The following TSHR variants were observed in gnomAD, a reference collection of about 807,000 sequenced individuals.
TSHR encodes thyrotropin receptor.
A neutral mutation model predicts 64.1 loss-of-function variants in TSHR; 51 were observed. The ratio of observed to expected loss-of-function variants is 0.80; its 90% CI spans 0.64 to 1.01. The LOEUF (loss-of-function observed/expected upper bound fraction) is 1.01. TSHR is among the 50% of genes least tolerant of loss of function. The pLI, the probability that TSHR is intolerant of heterozygous loss-of-function variation, is 0.00. For missense variants in TSHR, 877 were observed against 942.8 expected (o/e 0.93, Z 0.91); for synonymous variants, 361 against 361.9 (o/e 1.00, Z 0.03).
At chr14:81,026,398 C>T (rs1210768040) in intron 1 of TSHR, among the ~76,000 whole-genome samples, 1 of 152,084 alleles carries the variant, frequency 6.6e-6, no homozygotes, top group Non-Finnish European at 1.5e-5. Context: ...TACCCTGTCA[C>T]CTCTAGAGAA....
chr14:81,087,876 C>T (rs759987735), intron 3 of TSHR, 78 bp from the exon 4 acceptor site: 5 of 1,177,194 alleles, frequency 4.2e-6, no homozygotes, highest in Non-Finnish European at 3.8e-6. Context: ...TTTGTTAAAA[C>T]TGATTTATGT....
intron 8 of TSHR, among the ~76,000 whole-genome samples, chr14:81,128,406 G>A (rs58884826): frequency 0.086 from 13,139 of 152,174 alleles, 717 homozygotes; most frequent in South Asian, 0.13. Context: ...TCCAAAACAC[G>A]ATCTCTTCCT....
intron 2 of TSHR, among the ~76,000 whole-genome samples, chr14:81,064,422 G>T (rs1886459492): frequency 6.6e-6 from 1 of 152,068 alleles, no homozygotes; most frequent in African/African-American, 2.4e-5. Context: ...TCAATTTGGG[G>T]CATATGGCAT....
At chr14:81,067,929 A>G (rs1156738875) in intron 2 of TSHR, among the ~76,000 whole-genome samples, 1 of 125,912 alleles carries the variant, frequency 7.9e-6, no homozygotes, top group Non-Finnish European at 1.6e-5. Flanking sequence ...GGGTGACACT[A>G]TATATATATA....
chr14:81,012,268 A>G (rs913280056), intron 1 of TSHR: 9 of 151,050 alleles, frequency 6.0e-5, no homozygotes, highest in Non-Finnish European at 1.2e-4. Flanking sequence ...AAGGACATGA[A>G]CTCATCATTT....
intron 3 of TSHR, among the ~76,000 whole-genome samples, chr14:81,075,916 C>T (rs1261742131): frequency 2.6e-5 from 4 of 151,936 alleles, no homozygotes; most frequent in African/African-American, 4.8e-5. Flanking sequence ...CAATGATAGA[C>T]TGGATTAAGA....
At chr14:80,961,784 T>G (rs1215288597) in intron 1 of TSHR, among the ~76,000 whole-genome samples, 1 of 152,226 alleles carries the variant, frequency 6.6e-6, no homozygotes, top group Non-Finnish European at 1.5e-5. Context: ...TTTGGAAATC[T>G]AATCGTAACA....
chr14:81,037,732 GACA>G (rs990805875), intron 1 of TSHR, among the ~76,000 whole-genome samples: 8 of 141,106 alleles, frequency 5.7e-5, no homozygotes, highest in African/African-American at 1.0e-4. Flanking sequence ...TGAAAGGGGA[GACA>G]AAGAAGGTAA....
Position 81,037,934 on chromosome 14 carries a change from CA to C in TSHR, c.171-24203del, listed in dbSNP as rs561276007. Among the ~76,000 whole-genome samples the C allele has an allele frequency of 9.2e-3, 1,310 of 142,486 alleles. 9 individuals are homozygous for C. Among genetic ancestry groups the C allele is most frequent in the Non-Finnish European group, 0.016 (1,037 of 65,102 alleles). The allele number at this position is 142,486 out of a possible 152,430, so 93.5% of individuals were successfully genotyped here. On this transcript the variant is annotated intron_variant, in intron 1 of 9. Transcript: ENST00000298171. The stretch of plus-strand genomic sequence containing the variant: ...ATAGATCATCCAAACTGAAAATCAG[CA>C]AAAAAAAAAACACTGGATTTATACT...
At chr14:81,004,029 T>C (rs1889473218) in intron 1 of TSHR, among the ~76,000 whole-genome samples, 1 of 152,230 alleles carries the variant, frequency 6.6e-6, no homozygotes, top group South Asian at 2.1e-4. Context: ...ATATTTTACA[T>C]TGTGCCCTGG....
intron 1 of TSHR, among the ~76,000 whole-genome samples, chr14:80,970,330 G>A (rs933856383): frequency 6.6e-6 from 1 of 152,208 alleles, no homozygotes; most frequent in Non-Finnish European, 1.5e-5. Context: ...CTTATTTTAT[G>A]TAGTAGAACT....
chr14:81,047,382 A>G (rs762683887), intron 1 of TSHR, among the ~76,000 whole-genome samples: 9 of 152,230 alleles, frequency 5.9e-5, no homozygotes, highest in Non-Finnish European at 1.3e-4. Flanking sequence ...ATGTCTGAGT[A>G]GAATATATAG....
chr14:80,969,676 C>A (rs1046042496), intron 1 of TSHR, among the ~76,000 whole-genome samples: 2 of 152,170 alleles, frequency 1.3e-5, no homozygotes, highest in African/African-American at 4.8e-5. Context: ...CCACTTCATT[C>A]ATGTTCATTT....
At chr14:80,986,536 G>A (rs1429205723) in intron 1 of TSHR, among the ~76,000 whole-genome samples, 1 of 152,046 alleles carries the variant, frequency 6.6e-6, no homozygotes, top group East Asian at 1.9e-4. Flanking sequence ...GCCTAGGCTG[G>A]AGTGTAATGG....
intron 8 of TSHR, among the ~76,000 whole-genome samples, chr14:81,130,213 C>T (rs1891179573): frequency 6.6e-6 from 1 of 152,190 alleles, no homozygotes; most frequent in Non-Finnish European, 1.5e-5. Context: ...AAATCTACTT[C>T]CACCTACTGC....
At position 81,109,874 on chromosome 14, in the gene TSHR, G is replaced by A. The variant is rs78843346; in HGVS notation, c.692+1422G>A. The stretch of plus-strand genomic sequence containing the variant: ...TTCTTTTTACAAGAAGACAAGTGGG[G>A]AAAAAATGTATTAACCTTTTCTGTG... On this transcript the variant is annotated intron_variant, in intron 8 of 9. Transcript: ENST00000298171. Among the ~76,000 whole-genome samples the A allele has an allele frequency of 8.5e-3, 1,291 of 152,226 alleles. 8 individuals are homozygous for A. The highest frequency in any genetic ancestry group is 0.014 in the Non-Finnish European group (946 of 68,000).
At chr14:81,019,163 A>G (rs1883586858) in intron 1 of TSHR, among the ~76,000 whole-genome samples, 1 of 152,028 alleles carries the variant, frequency 6.6e-6, no homozygotes, top group Non-Finnish European at 1.5e-5. Context: ...GGCAAAACCC[A>G]TCTCTACTAA....
chr14:81,098,605 G>A, intron 7 of TSHR, among the ~76,000 whole-genome samples: 1 of 152,186 alleles, frequency 6.6e-6, no homozygotes, highest in East Asian at 1.9e-4. Flanking sequence ...GGTACTTAGG[G>A]TATAAAGATT....
At chr14:81,086,297 T>C (rs1888282471) in intron 3 of TSHR, among the ~76,000 whole-genome samples, 1 of 152,184 alleles carries the variant, frequency 6.6e-6, no homozygotes, top group Non-Finnish European at 1.5e-5. Context: ...CAGTAAGCTG[T>C]GTGTTTAGGG....
Sources: gnomAD v4.1 joint callset for allele counts (sites outside exome capture counted in the v4.1 genomes callset) on GRCh38, gnomAD v4.1.1 for gene constraint, MANE v1.5 for transcripts, NCBI Gene and HGNC (gene_info 2026-07-23, HGNC 2026-07-21) for gene names.